Variants in AREL1 observed in about 807,000 individuals in gnomAD.
The protein encoded by AREL1 is apoptosis resistant E3 ubiquitin protein ligase 1.
In AREL1, 62 loss-of-function variants were observed where a neutral mutation model predicts 99.0. The observed-to-expected ratio is 0.63, with a 90% confidence interval of 0.51 to 0.77. AREL1 has a LOEUF of 0.77. Among genes scored for constraint, AREL1 ranks in the 30% least tolerant of loss-of-function variants. The pLI is 0.00. For missense variants in AREL1, 879 were observed against 1,027.6 expected, an observed-to-expected ratio of 0.86 and a Z score of 1.98; for synonymous variants, 380 against 376.5, an observed-to-expected ratio of 1.01 and a Z score of -0.11.
chr14:74,681,213 G>A (rs187251646), intron 5 of AREL1, among the ~76,000 whole-genome samples: 13 of 151,824 alleles, frequency 8.6e-5, no homozygotes, highest in African/African-American at 2.7e-4. Context: ...CCTATACCAC[G>A]TTTGGAGAGA....
chr14:74,696,822 C>T (rs910071540), intron 1 of AREL1, among the ~76,000 whole-genome samples: 5 of 151,946 alleles, frequency 3.3e-5, no homozygotes, highest in Admixed American at 2.0e-4. Context: ...AAATTAGCCA[C>T]GCATGGTGGC....
intron 2 of AREL1, among the ~76,000 whole-genome samples, chr14:74,690,541 C>G (rs959879926): frequency 1.3e-5 from 2 of 152,164 alleles, no homozygotes; most frequent in Non-Finnish European, 2.9e-5. Context: ...ACTGGGGTTG[C>G]AGATTCCCAT....
At chr14:74,691,807 C>T (rs892614493) in intron 2 of AREL1, among the ~76,000 whole-genome samples, 8 of 152,316 alleles carry the variant, frequency 5.3e-5, no homozygotes, top group African/African-American at 1.9e-4. Context: ...TTTTTAATTA[C>T]AGTAGCAACT....
At chr14:74,709,048 G>C (rs138028889) in intron 1 of AREL1, among the ~76,000 whole-genome samples, 2 of 152,302 alleles carry the variant, frequency 1.3e-5, no homozygotes, top group African/African-American at 4.8e-5. Context: ...AAGAACATTA[G>C]TGAAGGCTAA....
intron 2 of AREL1, among the ~76,000 whole-genome samples, chr14:74,689,566 G>A (rs1431286024): frequency 2.3e-5 from 2 of 87,392 alleles, no homozygotes; most frequent in Non-Finnish European, 5.4e-5. Flanking sequence ...ATAGAACATT[G>A]TTTTTATTTA....
chr14:74,693,848 A>G (rs1333293095), intron 1 of AREL1, among the ~76,000 whole-genome samples: 1 of 152,242 alleles, frequency 6.6e-6, no homozygotes, highest in African/African-American at 2.4e-5. Flanking sequence ...AACTTTTATC[A>G]TTAAAAATAA....
intron 5 of AREL1, among the ~76,000 whole-genome samples, chr14:74,682,028 T>C (rs1047092238): frequency 3.9e-5 from 6 of 152,138 alleles, no homozygotes; most frequent in Admixed American, 2.0e-4. Flanking sequence ...AAATAAAAAG[T>C]TTAATTTTTT....
intron 1 of AREL1, among the ~76,000 whole-genome samples, chr14:74,712,248 G>A (rs1359334901): frequency 1.3e-5 from 2 of 152,068 alleles, no homozygotes; most frequent in African/African-American, 2.4e-5. Flanking sequence ...AAAGTGACAA[G>A]TACAGTATAC....
chr14:74,676,577 G>A lies in AREL1; in HGVS notation c.651+6C>T. Reference sequence around the variant, plus strand: ...AGCACACAGATAAAGAAGGGAGACTGCTTACCTCATGAATGGACAAGGTGT... The same window carrying A: ...AGCACACAGATAAAGAAGGGAGACTACTTACCTCATGAATGGACAAGGTGT... On this transcript the variant is annotated splice_donor_region_variant and intron_variant, in intron 6 of 19. Coordinates refer to ENST00000356357, the MANE Select transcript of AREL1 (RefSeq NM_001039479.2). 6.2e-7 allele frequency: 1 copy of A among 1,612,076 alleles called. No individual in the cohort carries two copies. The highest frequency in any genetic ancestry group is 8.5e-7 in the Non-Finnish European group (1 of 1,179,252).
intron 1 of AREL1, among the ~76,000 whole-genome samples, chr14:74,702,550 G>A (rs2090105871): frequency 6.6e-6 from 1 of 152,116 alleles, no homozygotes; most frequent in African/African-American, 2.4e-5. Flanking sequence ...TTTCCTCCTA[G>A]GCCTCCAGGT....
chr14:74,672,981 GC>G (rs1566682532), intron 10 of AREL1, 29 bp from the exon 11 acceptor site: 5 of 1,614,098 alleles, frequency 3.1e-6, no homozygotes, highest in Non-Finnish European at 4.2e-6. Flanking sequence ...CATCATTACA[GC>G]CTCATTACAA....
At chr14:74,676,948 C>T (rs2089495615) in intron 5 of AREL1, among the ~76,000 whole-genome samples, 196 bp from the exon 6 acceptor site, 2 of 152,156 alleles carry the variant, frequency 1.3e-5, no homozygotes, top group South Asian at 2.1e-4. Context: ...AGGTGCCCGC[C>T]ACCATGCCCA....
At position 74,667,602 on chromosome 14, in the gene AREL1, A is replaced by G. The variant is rs1247763339; in HGVS notation, c.1915-8T>C. On this transcript the variant is annotated splice_region_variant and splice_polypyrimidine_tract_variant and intron_variant, in intron 15 of 19. Transcript: ENST00000356357. Reference sequence around the variant, plus strand: ...TGTCATGAGTTCTACAACCTGTAACAGGCAGCAAAAGACAGACAAGGGAGA... The same window carrying G: ...TGTCATGAGTTCTACAACCTGTAACGGGCAGCAAAAGACAGACAAGGGAGA... The G allele has an allele frequency of 2.5e-6, 4 of 1,597,598 alleles. No homozygotes were observed. Among genetic ancestry groups the G allele is most frequent in the East Asian group, 2.2e-5 (1 of 44,712 alleles).
intron 1 of AREL1, among the ~76,000 whole-genome samples, chr14:74,693,887 A>G (rs2089931114): frequency 6.6e-6 from 1 of 152,254 alleles, no homozygotes; most frequent in Non-Finnish European, 1.5e-5. Flanking sequence ...TTTAAAATAC[A>G]GCAACATGAC....
At chr14:74,687,574 A>C (rs959212821) in intron 2 of AREL1, among the ~76,000 whole-genome samples, 1 of 152,182 alleles carries the variant, frequency 6.6e-6, no homozygotes, top group Non-Finnish European at 1.5e-5. Flanking sequence ...GAGTTAGATT[A>C]CCTGGCTTCA....
intron 1 of AREL1, among the ~76,000 whole-genome samples, chr14:74,696,958 C>T (rs530219115): frequency 3.9e-4 from 60 of 152,070 alleles, no homozygotes; most frequent in African/African-American, 1.1e-3. Context: ...AGCAAGACTT[C>T]GTCTCAAAAA....
In AREL1 at chr14:74,669,191, C is replaced by T. The variant is rs1021041031; in HGVS notation, c.1914+458G>A. Reference sequence around the variant, plus strand: ...ATTACAGGCCATGAGCCACTGCGCCCAGCCAAAAAGTTTAAAAATACCCAG... The same window carrying T: ...ATTACAGGCCATGAGCCACTGCGCCTAGCCAAAAAGTTTAAAAATACCCAG... On this transcript the variant is annotated intron_variant, in intron 15 of 19. Transcript: ENST00000356357. Among the ~76,000 whole-genome samples the T allele has an allele frequency of 2.0e-5, 3 of 152,180 alleles. 1 individual carries two copies. Among genetic ancestry groups the T allele is most frequent in the African/African-American group, 7.2e-5 (3 of 41,448 alleles).
chr14:74,669,817 G>A, intron 14 of AREL1, 43 bp from the exon 15 acceptor site: 1 of 1,609,886 alleles, frequency 6.2e-7, no homozygotes, highest in Non-Finnish European at 8.5e-7. Flanking sequence ...GAATACTCTT[G>A]CCCTGAAAGG....
intron 5 of AREL1, among the ~76,000 whole-genome samples, chr14:74,681,877 G>A (rs1467881671): frequency 6.6e-6 from 1 of 152,022 alleles, no homozygotes; most frequent in Middle Eastern, 3.4e-3. Flanking sequence ...TCTGTACCTT[G>A]ACTGTATCAA....
Sources: allele counts gnomAD v4.1 joint callset (sites outside exome capture counted in the v4.1 genomes callset), GRCh38; gene constraint gnomAD v4.1.1; transcripts MANE v1.5; gene names NCBI Gene and HGNC (gene_info 2026-07-23, HGNC 2026-07-21).